Variants in EPHA6 observed in about 807,000 individuals in gnomAD.
EPHA6 encodes the protein EPH receptor A6.
A neutral mutation model predicts 112.0 loss-of-function variants in EPHA6; 50 were observed. The ratio of observed to expected loss-of-function variants is 0.45; its 90% CI spans 0.36 to 0.56. The LOEUF is 0.56. EPHA6 is among the 20% of genes least tolerant of loss of function. The pLI, the probability that EPHA6 is intolerant of heterozygous loss-of-function variation, is 0.00. For synonymous variants in EPHA6, 529 were observed against 490.7 expected, an observed-to-expected ratio of 1.08 and a Z score of -1.03; for missense variants, 1,280 against 1,417.4, an observed-to-expected ratio of 0.90 and a Z score of 1.56.
At position 96,861,594 on chromosome 3, in the gene EPHA6, A is replaced by C. The variant is rs185903475; in HGVS notation, c.386-5231A>C. ...TTTATTCTCTAATTAGAAAAAGCTAACATCACTATGTTCATATTACCTTAT... is the reference window on the plus strand; with the variant it reads ...TTTATTCTCTAATTAGAAAAAGCTACCATCACTATGTTCATATTACCTTAT... On this transcript the variant is annotated intron_variant, in intron 1 of 17. Coordinates refer to ENST00000389672, the MANE Select transcript of EPHA6 (RefSeq NM_001080448.3). Among the ~76,000 whole-genome samples, 565 of 152,124 alleles carry C rather than the reference A, an allele frequency of 3.7e-3. 4 individuals carry two copies. Among genetic ancestry groups the C allele is most frequent in the African/African-American group, 0.013 (555 of 41,558 alleles).
chr3:97,334,444 A>G (rs551593593), intron 5 of EPHA6, among the ~76,000 whole-genome samples: 5 of 150,946 alleles, frequency 3.3e-5, no homozygotes, highest in Admixed American at 6.6e-5. Flanking sequence ...TTTTTAATGA[A>G]ACTTCTTTTT....
rs372980286 is a variant in EPHA6, at chr3:96,940,122, A to G, written c.451-47208A>G. Among the ~76,000 whole-genome samples, 199 of 152,174 alleles carry G rather than the reference A, an allele frequency of 1.3e-3. 2 individuals carry two copies. The highest frequency in any genetic ancestry group is 2.3e-3 in the East Asian group (12 of 5,172). ...AGTTCTGTAGATGTCTATTAGGTCCACTTGGTGCAGAGCTGAGTTCAATTC... is the reference window on the plus strand; with the variant it reads ...AGTTCTGTAGATGTCTATTAGGTCCGCTTGGTGCAGAGCTGAGTTCAATTC... On this transcript the variant is annotated intron_variant, in intron 2 of 17. Transcript: ENST00000389672.
rs538045315 is a variant in EPHA6, at chr3:97,406,017, A to G, written c.1731+743A>G. ...TTCTGAAGTGTCTTATTGTCTTAAT[A>G]CTACTTCTAGAAGTATGCAAAGGGA... On this transcript the variant is annotated intron_variant, in intron 6 of 17. Transcript: ENST00000389672. Among the ~76,000 whole-genome samples the G allele has an allele frequency of 5.9e-5, 9 of 152,278 alleles. No individual in the cohort carries two copies. The South Asian group carries it at 1.9e-3, about 32-fold the overall frequency.
At chr3:97,460,702 G>T (rs1331126630) in intron 7 of EPHA6, among the ~76,000 whole-genome samples, 1 of 152,120 alleles carries the variant, frequency 6.6e-6, no homozygotes, top group East Asian at 1.9e-4. Flanking sequence ...TCCTCAATGT[G>T]ATGTACAAAG....
chr3:97,636,185 C>T (rs10222570), intron 13 of EPHA6, among the ~76,000 whole-genome samples: 11,871 of 152,048 alleles, frequency 0.078, 616 homozygotes, highest in Non-Finnish European at 0.12. Flanking sequence ...TAAAATTCTG[C>T]TTGACAAGAA....
chr3:97,535,577 G>A (rs559788375), intron 11 of EPHA6, among the ~76,000 whole-genome samples: 1 of 152,228 alleles, frequency 6.6e-6, no homozygotes, highest in Admixed American at 6.5e-5. Flanking sequence ...ATAAATAAAT[G>A]AGTGCCTCAT....
At chr3:96,949,898 C>A (rs910329683) in intron 2 of EPHA6, among the ~76,000 whole-genome samples, 1 of 152,066 alleles carries the variant, frequency 6.6e-6, no homozygotes, top group African/African-American at 2.4e-5. Flanking sequence ...CACCATTTTC[C>A]TAATTGACTA....
intron 14 of EPHA6, among the ~76,000 whole-genome samples, chr3:97,640,331 T>C (rs1161183641): frequency 1.3e-5 from 2 of 152,050 alleles, no homozygotes; most frequent in Non-Finnish European, 2.9e-5. Flanking sequence ...CCATAGGCAA[T>C]GGAGGGGCCA....
intron 1 of EPHA6, among the ~76,000 whole-genome samples, chr3:96,838,487 A>G (rs1465717520): frequency 3.3e-5 from 5 of 152,094 alleles, no homozygotes; most frequent in Non-Finnish European, 7.4e-5. Flanking sequence ...TGTCTTCCAG[A>G]ATGGTTGAAC....
chr3:97,023,596 C>G (rs1221317178), intron 3 of EPHA6, among the ~76,000 whole-genome samples: 1 of 151,476 alleles, frequency 6.6e-6, no homozygotes, highest in African/African-American at 2.4e-5. Flanking sequence ...AGACTAATAT[C>G]TATTATCAGG....
intron 13 of EPHA6, among the ~76,000 whole-genome samples, chr3:97,611,186 T>C (rs553232682): frequency 1.3e-5 from 2 of 151,954 alleles, no homozygotes; most frequent in South Asian, 4.1e-4. Context: ...AATTTTGCTT[T>C]ATCACATTTA....
At chr3:97,336,841 T>C (rs944647675) in intron 5 of EPHA6, among the ~76,000 whole-genome samples, 5 of 151,836 alleles carry the variant, frequency 3.3e-5, no homozygotes, top group Non-Finnish European at 5.9e-5. Flanking sequence ...ATGTTTTTCA[T>C]TGTCACACAT....
intron 3 of EPHA6, among the ~76,000 whole-genome samples, chr3:97,068,224 G>A (rs2046241438): frequency 6.6e-6 from 1 of 151,154 alleles, no homozygotes; most frequent in Admixed American, 6.6e-5. Context: ...GTTGTTTAAT[G>A]GTGGAAAAAT....
In EPHA6 at chr3:97,542,031, T is replaced by C. The variant is rs997998697; in HGVS notation, c.2386+9488T>C. On this transcript the variant is annotated intron_variant, in intron 11 of 17. Coordinates refer to ENST00000389672, the MANE Select transcript of EPHA6 (RefSeq NM_001080448.3). ...GTCCGATGTTCGAGGGCAGGAAGCATCCAGCACAGGACAAAGATGTAGACT... is the reference window on the plus strand; with the variant it reads ...GTCCGATGTTCGAGGGCAGGAAGCACCCAGCACAGGACAAAGATGTAGACT... Among the ~76,000 whole-genome samples, 136 of 151,562 alleles carry C rather than the reference T, an allele frequency of 9.0e-4. 1 individual carries two copies. The highest frequency in any genetic ancestry group is 1.2e-4 in the Non-Finnish European group (8 of 67,924).
At chr3:97,333,272 G>T (rs2082887471) in intron 5 of EPHA6, among the ~76,000 whole-genome samples, 1 of 151,870 alleles carries the variant, frequency 6.6e-6, no homozygotes, top group Admixed American at 6.6e-5. Context: ...CATGTTTATT[G>T]TTAGTATGTA....
intron 13 of EPHA6, among the ~76,000 whole-genome samples, chr3:97,635,203 A>G (rs1011333341): frequency 2.0e-4 from 30 of 152,136 alleles, no homozygotes; most frequent in African/African-American, 7.0e-4. Flanking sequence ...CTACATTTAT[A>G]GTCCTATAAA....
rs532310762 is a variant in EPHA6, at chr3:97,281,517, G to A, written c.1606+37230G>A. On this transcript the variant is annotated intron_variant, in intron 5 of 17. Coordinates refer to ENST00000389672, the MANE Select transcript of EPHA6 (RefSeq NM_001080448.3). Reference sequence around the variant, plus strand: ...TCAAGTGTGCCTATTACACTAAAGAGTCTCTCACTGTGATTCCAATCATTT... The same window carrying A: ...TCAAGTGTGCCTATTACACTAAAGAATCTCTCACTGTGATTCCAATCATTT... 5.9e-5 allele frequency among the ~76,000 whole-genome samples: 9 copies of A among 152,094 alleles called. No individual in the cohort carries two copies. The South Asian group carries it at 1.2e-3, about 21-fold the overall frequency.
At chr3:96,948,854 C>A (rs2041403623) in intron 2 of EPHA6, among the ~76,000 whole-genome samples, 1 of 152,130 alleles carries the variant, frequency 6.6e-6, no homozygotes, top group Non-Finnish European at 1.5e-5. Flanking sequence ...GACTAAAGGG[C>A]ACCAGAAAAG....
intron 12 of EPHA6, among the ~76,000 whole-genome samples, chr3:97,601,099 C>A (rs1261204502): frequency 6.6e-6 from 1 of 152,020 alleles, no homozygotes; most frequent in East Asian, 1.9e-4. Flanking sequence ...TATTTAAATT[C>A]TCCATTGAGA....
Sources: gnomAD v4.1 joint callset for allele counts (sites outside exome capture counted in the v4.1 genomes callset) on GRCh38, gnomAD v4.1.1 for gene constraint, MANE v1.5 for transcripts, NCBI Gene and HGNC (gene_info 2026-07-23, HGNC 2026-07-21) for gene names.